The following ARL13B variants were observed in gnomAD, a reference collection of about 807,000 sequenced individuals.
ARL13B encodes ADP-ribosylation factor-like protein 13B.
In ARL13B, 36 loss-of-function variants were observed where a neutral mutation model predicts 56.1. That is an observed-to-expected ratio of 0.64 (90% CI 0.49 to 0.85). ARL13B has a LOEUF of 0.85. Among genes scored for constraint, ARL13B ranks in the 40% least tolerant of loss-of-function variants. The pLI is 0.00. For synonymous variants in ARL13B, 178 were observed against 171.1 expected, an observed-to-expected ratio of 1.04 and a Z score of -0.32; for missense variants, 519 against 507.1, an observed-to-expected ratio of 1.02 and a Z score of -0.23.
At chr3:94,000,720 A>G (rs1403635761) in intron 2 of ARL13B, among the ~76,000 whole-genome samples, 1 of 152,104 alleles carries the variant, frequency 6.6e-6, no homozygotes, top group African/African-American at 2.4e-5. Flanking sequence ...TTGTATTTCT[A>G]GAACCATGCA....
chr3:94,010,644 T>G (rs964305440), intron 3 of ARL13B, among the ~76,000 whole-genome samples: 21 of 152,036 alleles, frequency 1.4e-4, no homozygotes, highest in Non-Finnish European at 2.9e-4. Context: ...ACTAATTAAG[T>G]TATCATGTTA....
chr3:94,010,738 AT>A (rs574423128), intron 3 of ARL13B, among the ~76,000 whole-genome samples: 2 of 151,838 alleles, frequency 1.3e-5, no homozygotes, highest in South Asian at 2.1e-4. Context: ...CTTTGTGATG[AT>A]TTTTTTTGTG....
chr3:93,988,643 T>G, intron 1 of ARL13B: 1 of 498,322 alleles, frequency 2.0e-6, no homozygotes, highest in South Asian at 1.5e-5. Context: ...TAATCAGACT[T>G]GGCTTCTTTC....
chr3:93,988,709 C>A, intron 1 of ARL13B: 1 of 456,798 alleles, frequency 2.2e-6, no homozygotes, highest in Non-Finnish European at 4.4e-6. Context: ...TCGTTTTCTG[C>A]AGGTAAATCT....
At position 94,054,019 on chromosome 3, in the gene ARL13B, C is replaced by A. The variant is rs767684538; in HGVS notation, c.*756C>A. 5 of 427,418 alleles carry A rather than the reference C, an allele frequency of 1.2e-5. No homozygotes were observed. Among genetic ancestry groups the A allele is most frequent in the Non-Finnish European group, 2.3e-5 (5 of 214,892 alleles). 26.5% of individuals were successfully genotyped at this position (427,418 alleles called of 1,614,324 possible). A position where few individuals can be genotyped will look rare whatever the true frequency, so the allele number is the denominator to read the frequency against. On this transcript the variant is annotated 3_prime_UTR_variant, in exon 10 of 10. Transcript: ENST00000394222. ...ATGAGACTGGAAATACCTTTTGTACCTAAATGTTTTTTAAATTAATCAAAA... is the reference window on the plus strand; with the variant it reads ...ATGAGACTGGAAATACCTTTTGTACATAAATGTTTTTTAAATTAATCAAAA...
chr3:93,981,741 A>G (rs1240466074), intron 1 of ARL13B, among the ~76,000 whole-genome samples: 1 of 151,734 alleles, frequency 6.6e-6, no homozygotes, highest in East Asian at 1.9e-4. Flanking sequence ...GGGCACGGTG[A>G]CGCACGCCTG....
rs561793009 is a variant in ARL13B, at chr3:94,044,142, C to T, written c.1024+902C>T. On this transcript the variant is annotated intron_variant, in intron 7 of 9. Coordinates refer to ENST00000394222, the MANE Select transcript of ARL13B (RefSeq NM_001174150.2). Reference sequence around the variant, plus strand: ...ATCGTCTGGGATGTGAGGAGCCCCTCTGCCCGGCTGCCCCATCTGGGAAGT... The same window carrying T: ...ATCGTCTGGGATGTGAGGAGCCCCTTTGCCCGGCTGCCCCATCTGGGAAGT... 1.4e-3 allele frequency among the ~76,000 whole-genome samples: 207 copies of T among 151,954 alleles called. 1 individual carries two copies. Among genetic ancestry groups the T allele is most frequent in the Admixed American group, 3.8e-3 (58 of 15,276 alleles).
chr3:94,024,158 A>T (rs1256803397), intron 3 of ARL13B, among the ~76,000 whole-genome samples: 1 of 152,206 alleles, frequency 6.6e-6, no homozygotes, highest in African/African-American at 2.4e-5. Context: ...TAATAGAGAA[A>T]GGATCTCGCT....
chr3:94,028,116 T>C (rs1194057875), intron 3 of ARL13B, among the ~76,000 whole-genome samples: 1 of 152,172 alleles, frequency 6.6e-6, no homozygotes, highest in African/African-American at 2.4e-5. Flanking sequence ...TTTAAAAGAC[T>C]TAAAAATTTT....
chr3:94,044,997 G>T (rs1005841298), intron 7 of ARL13B, among the ~76,000 whole-genome samples: 1 of 152,162 alleles, frequency 6.6e-6, no homozygotes, highest in Non-Finnish European at 1.5e-5. Flanking sequence ...CGGTTTTGTC[G>T]AAAAGAAAAG....
chr3:94,027,916 C>G, intron 3 of ARL13B, among the ~76,000 whole-genome samples: 1 of 151,976 alleles, frequency 6.6e-6, no homozygotes, highest in Non-Finnish European at 1.5e-5. Context: ...CAATTAAGAC[C>G]ATTATAGCAA....
At chr3:94,027,001 A>T (rs1053059085) in intron 3 of ARL13B, among the ~76,000 whole-genome samples, 1 of 152,148 alleles carries the variant, frequency 6.6e-6, no homozygotes, top group Non-Finnish European at 1.5e-5. Context: ...AGAAACAGAA[A>T]CATGAGTAAA....
chr3:94,055,624 T>G lies in ARL13B; in HGVS notation c.*2361T>G, dbSNP rs1395912719. 1 of 453,714 alleles carries G rather than the reference T, an allele frequency of 2.2e-6. No homozygotes were observed. The highest frequency in any genetic ancestry group is 2.0e-5 in the African/African-American group (1 of 50,002). The allele number at this position is 453,714 out of a possible 1,614,324, so 28.1% of individuals were successfully genotyped here. On this transcript the variant is annotated 3_prime_UTR_variant, in exon 10 of 10. Coordinates refer to ENST00000394222, the MANE Select transcript of ARL13B (RefSeq NM_001174150.2). ...TGTGTAAAATGCATATTACGTAGTA[T>G]ACATGATATTGTATGTAACTGACTT...
At chr3:94,010,806 C>G (rs929550523) in intron 3 of ARL13B, among the ~76,000 whole-genome samples, 1 of 151,890 alleles carries the variant, frequency 6.6e-6, no homozygotes, top group African/African-American at 2.4e-5. Context: ...AAGAAAATAA[C>G]TATTTTACAA....
intron 3 of ARL13B, among the ~76,000 whole-genome samples, chr3:94,033,469 G>A (rs2076712268): frequency 6.6e-6 from 1 of 151,958 alleles, no homozygotes; most frequent in South Asian, 2.1e-4. Flanking sequence ...TAAAGGCAAA[G>A]GATCAAACAT....
At chr3:94,045,708 A>C (rs1327394050) in intron 7 of ARL13B, among the ~76,000 whole-genome samples, 2 of 151,970 alleles carry the variant, frequency 1.3e-5, no homozygotes, top group African/African-American at 4.8e-5. Context: ...CATACCTGTA[A>C]TCCCGACACT....
intron 3 of ARL13B, among the ~76,000 whole-genome samples, chr3:94,015,840 C>T (rs1165638990): frequency 6.6e-6 from 1 of 152,196 alleles, no homozygotes; most frequent in Non-Finnish European, 1.5e-5. Context: ...TAACGTATTA[C>T]TTGGCATAAT....
rs1559997668 is a variant in ARL13B, at chr3:94,029,330, A to ATTT, written c.381-6000_381-5999insTTT. Among the ~76,000 whole-genome samples the ATTT allele has an allele frequency of 2.1e-4, 15 of 71,198 alleles. 1 individual carries two copies. The highest frequency in any genetic ancestry group is 8.1e-4 in the African/African-American group (11 of 13,572). 46.7% of individuals were successfully genotyped at this position (71,198 alleles called of 152,430 possible). A position where few individuals can be genotyped will look rare whatever the true frequency, so the allele number is the denominator to read the frequency against. ...TATATATATATATATATATATATAT[A>ATTT]TATATTTATTTTTTTTTTATTTTTT... On this transcript the variant is annotated intron_variant, in intron 3 of 9. Coordinates refer to ENST00000394222, the MANE Select transcript of ARL13B (RefSeq NM_001174150.2).
chr3:94,004,485 G>T (rs949264883), intron 3 of ARL13B, among the ~76,000 whole-genome samples: 1 of 152,240 alleles, frequency 6.6e-6, no homozygotes. Flanking sequence ...TAGCATTTAT[G>T]CATGGTAAAC....
Sources: allele counts gnomAD v4.1 joint callset (sites outside exome capture counted in the v4.1 genomes callset), GRCh38; gene constraint gnomAD v4.1.1; transcripts MANE v1.5; gene names NCBI Gene and HGNC (gene_info 2026-07-23, HGNC 2026-07-21).